Variants in DNAH14 observed in about 807,000 individuals in gnomAD.
The protein encoded by DNAH14 is dynein axonemal heavy chain 14.
A neutral mutation model predicts 520.9 loss-of-function variants in DNAH14; 478 were observed. The ratio of observed to expected loss-of-function variants is 0.92; its 90% CI spans 0.85 to 0.99. DNAH14 has a LOEUF of 0.99. Among genes scored for constraint, DNAH14 ranks in the 50% least tolerant of loss-of-function variants. DNAH14 has a pLI of 0.00. For missense variants in DNAH14, 4,831 were observed against 5,234.5 expected (o/e 0.92, Z 2.38); for synonymous variants, 1,581 against 1,757.2 (o/e 0.90, Z 2.51).
chr1:225,150,787 T>C (rs1165681488), intron 31 of DNAH14, among the ~76,000 whole-genome samples: 2 of 152,184 alleles, frequency 1.3e-5, no homozygotes, highest in Non-Finnish European at 2.9e-5. Flanking sequence ...TGGAGTGCAG[T>C]GGCATGATCT....
chr1:225,076,220 A>C (rs2072259351), intron 17 of DNAH14, among the ~76,000 whole-genome samples: 1 of 152,208 alleles, frequency 6.6e-6, no homozygotes, highest in Non-Finnish European at 1.5e-5. Flanking sequence ...GACTGAGTCC[A>C]ACATGTGGGC....
intron 8 of DNAH14, among the ~76,000 whole-genome samples, chr1:224,980,186 T>C (rs1428561871): frequency 1.3e-5 from 2 of 152,146 alleles, no homozygotes; most frequent in African/African-American, 4.8e-5. Flanking sequence ...AAGTAGACTC[T>C]TGGTGTCCCC....
chr1:225,062,990 C>A (rs1258602188), intron 17 of DNAH14, among the ~76,000 whole-genome samples: 1 of 151,596 alleles, frequency 6.6e-6, no homozygotes, highest in African/African-American at 2.4e-5. Context: ...ATGTGACCTA[C>A]AACTAAGAGA....
intron 41 of DNAH14, among the ~76,000 whole-genome samples, chr1:225,212,824 G>A (rs1180648917): frequency 6.6e-6 from 1 of 152,086 alleles, no homozygotes; most frequent in South Asian, 2.1e-4. Context: ...TGTCAGAAGG[G>A]TAGATTGTAA....
At chr1:225,221,597 G>A (rs1291326600) in intron 41 of DNAH14, among the ~76,000 whole-genome samples, 1 of 152,164 alleles carries the variant, frequency 6.6e-6, no homozygotes, top group East Asian at 1.9e-4. Flanking sequence ...AAACCACAAT[G>A]AGATACCATC....
chr1:225,138,858 C>G (rs78868962), intron 27 of DNAH14, among the ~76,000 whole-genome samples: 1 of 151,922 alleles, frequency 6.6e-6, no homozygotes. Context: ...ATTCCCGATG[C>G]GAGAACCTGG....
At chr1:225,151,591 G>A (rs940023345) in intron 31 of DNAH14, among the ~76,000 whole-genome samples, 1 of 152,174 alleles carries the variant, frequency 6.6e-6, no homozygotes, top group African/African-American at 2.4e-5. Context: ...TTAAACTGGG[G>A]CTAGGGACAC....
intron 8 of DNAH14, among the ~76,000 whole-genome samples, chr1:224,996,763 TG>T (rs1313679955): frequency 6.6e-6 from 1 of 152,154 alleles, no homozygotes; most frequent in Non-Finnish European, 1.5e-5. Flanking sequence ...TGCAGTTGGA[TG>T]GGCACTGCTT....
intron 52 of DNAH14, among the ~76,000 whole-genome samples, chr1:225,274,073 G>A (rs544787276): frequency 6.6e-6 from 1 of 152,088 alleles, no homozygotes; most frequent in Admixed American, 6.5e-5. Context: ...GGGTCAAATG[G>A]TAGTTCTGTT....
rs140066130 is a variant in DNAH14, at chr1:225,303,213, C to T, written c.8689C>T (p.Arg2897Cys). The T allele has an allele frequency of 3.1e-3, 4,767 of 1,541,372 alleles. 11 individuals are homozygous for T. Among genetic ancestry groups the T allele is most frequent in the Middle Eastern group, 7.6e-3 (45 of 5,940 alleles). Reference sequence around the variant, plus strand: ...CATGAGTCCTGAAGGACCTAGCTTCCGCCAAAATTGTAGAGTGTATCCTTC... The same window carrying T: ...CATGAGTCCTGAAGGACCTAGCTTCTGCCAAAATTGTAGAGTGTATCCTTC... Reference protein sequence around the residue: ...VIMSPEGPSFRQNCRVYPSMI... With the variant: ...VIMSPEGPSFCQNCRVYPSMI... The change falls in exon 57 of 86, where the codon CGC becomes TGC. Residue 2897 changes from arginine to cysteine, a missense_variant. Transcript: ENST00000682510.
At position 225,141,004 on chromosome 1, in the gene DNAH14, GGAT is replaced by G. The variant is rs2079404110; in HGVS notation, c.4492_4494del (p.Asp1498del). The G allele has an allele frequency of 6.5e-7, 1 of 1,546,498 alleles. No homozygotes were observed. Among genetic ancestry groups the G allele is most frequent in the Non-Finnish European group, 8.7e-7 (1 of 1,143,884 alleles). ...TACTTAAAAATATCTTCAATGCAGA[GGAT>G]TTTGAGTGGACAAGGTAGGTGGATC... On this transcript the variant is annotated inframe_deletion, in exon 28 of 86. Transcript: ENST00000682510.
intron 41 of DNAH14, among the ~76,000 whole-genome samples, chr1:225,229,412 T>C (rs554370275): frequency 6.6e-6 from 1 of 152,284 alleles, no homozygotes; most frequent in South Asian, 2.1e-4. Flanking sequence ...ACAATCCCAT[T>C]ACTGGGTATA....
intron 17 of DNAH14, among the ~76,000 whole-genome samples, chr1:225,060,293 C>T (rs1424601993): frequency 1.3e-5 from 2 of 152,170 alleles, no homozygotes; most frequent in African/African-American, 4.8e-5. Flanking sequence ...CCCTTTCTTC[C>T]AGTTGATCGA....
chr1:225,189,207 A>G lies in DNAH14; in HGVS notation c.5671-3489A>G, dbSNP rs78818912. On this transcript the variant is annotated intron_variant, in intron 37 of 85. Transcript: ENST00000682510. ...GCATTCCTGGTCATGGTGCATGACCAGGAATTGTGCTTGGTCATGGTGCAT... is the reference window on the plus strand; with the variant it reads ...GCATTCCTGGTCATGGTGCATGACCGGGAATTGTGCTTGGTCATGGTGCAT... Among the ~76,000 whole-genome samples the G allele has an allele frequency of 9.7e-3, 1,477 of 151,808 alleles. 37 individuals carry two copies. The highest frequency in any genetic ancestry group is 0.072 in the East Asian group (370 of 5,158).
intron 43 of DNAH14, among the ~76,000 whole-genome samples, chr1:225,250,351 AG>A (rs2092486980): frequency 1.3e-5 from 2 of 152,354 alleles, no homozygotes; most frequent in Non-Finnish European, 2.9e-5. Flanking sequence ...ATGTATAATA[AG>A]GGACACTTAA....
intron 58 of DNAH14, among the ~76,000 whole-genome samples, chr1:225,306,261 T>A (rs112525872): frequency 0.025 from 3,794 of 152,262 alleles, 180 homozygotes; most frequent in African/African-American, 0.084. Context: ...CCAATAACAG[T>A]TCATTTTAGA....
At chr1:225,269,729 T>A (rs1357906446) in intron 49 of DNAH14, among the ~76,000 whole-genome samples, 1 of 152,066 alleles carries the variant, frequency 6.6e-6, no homozygotes, top group Non-Finnish European at 1.5e-5. Context: ...CATGAAAAAA[T>A]GCTCATCATC....
At chr1:225,042,693 G>T in intron 12 of DNAH14, 142 bp from the exon 13 acceptor site, 1 of 838,638 alleles carries the variant, frequency 1.2e-6, no homozygotes, top group Non-Finnish European at 1.8e-6. Context: ...TAACATGCAA[G>T]TGTCAGGTAT....
intron 7 of DNAH14, among the ~76,000 whole-genome samples, chr1:224,970,161 G>C (rs1333105933): frequency 3.3e-5 from 5 of 152,124 alleles, no homozygotes; most frequent in Non-Finnish European, 7.4e-5. Flanking sequence ...CTGAGGGTAG[G>C]CCTCTGAAAT....
Sources: gnomAD v4.1 joint callset for allele counts (sites outside exome capture counted in the v4.1 genomes callset) on GRCh38, gnomAD v4.1.1 for gene constraint, MANE v1.5 for transcripts, NCBI Gene and HGNC (gene_info 2026-07-23, HGNC 2026-07-21) for gene names.